UNC13B: variants seen among roughly 807,000 people sequenced by gnomAD.
UNC13B encodes protein unc-13 homolog B.
In UNC13B, 144 loss-of-function variants were observed where a neutral mutation model predicts 211.0. The ratio of observed to expected loss-of-function variants is 0.68; its 90% CI spans 0.60 to 0.78. UNC13B has a LOEUF of 0.78. Ranked by LOEUF, UNC13B falls within the 30% of genes least tolerant of loss-of-function variation. The pLI, the probability that UNC13B is intolerant of heterozygous loss-of-function variation, is 0.00. For synonymous variants in UNC13B, 709 were observed against 725.8 expected (o/e 0.98, Z 0.37); for missense variants, 1,777 against 2,002.0 (o/e 0.89, Z 2.14).
At chr9:35,215,572 C>A (rs968806573) in intron 1 of UNC13B, among the ~76,000 whole-genome samples, 29 of 151,772 alleles carry the variant, frequency 1.9e-4, no homozygotes, top group African/African-American at 6.5e-4. Context: ...TGTTTTTTTT[C>A]TGGGAAGAAT....
At chr9:35,352,705 T>C in intron 11 of UNC13B, 1 of 1,232,038 alleles carries the variant, frequency 8.1e-7, no homozygotes, top group Non-Finnish European at 1.0e-6. Flanking sequence ...AGCTAGGGGA[T>C]GAAATAAAAG....
chr9:35,353,116 CAT>C (rs1237033988), intron 11 of UNC13B: 1 of 1,232,128 alleles, frequency 8.1e-7, no homozygotes, highest in African/African-American at 1.6e-5. Context: ...AGGAAATTAT[CAT>C]AGGGCCTGAG....
chr9:35,278,307 T>G (rs1828290423), intron 7 of UNC13B, among the ~76,000 whole-genome samples: 1 of 152,206 alleles, frequency 6.6e-6, no homozygotes, highest in Non-Finnish European at 1.5e-5. Flanking sequence ...TGTTTAAATG[T>G]GTCGTAGAAT....
chr9:35,400,302 T>C lies in UNC13B; in HGVS notation c.12343T>C (p.Phe4115Leu), dbSNP rs571815457. 20 of 1,613,920 alleles carry C rather than the reference T, an allele frequency of 1.2e-5. No homozygotes were observed. In the South Asian group the frequency reaches 2.0e-4, roughly 16 times the overall value. ...DLALDTIKQY[F>L]HAGGNGLKKT... Reference sequence around the variant, plus strand: ...GTGCTCTTTTATCTTGCAGCAATACTTCCATGCAGGAGGCAATGGGCTGAA... The same window carrying C: ...GTGCTCTTTTATCTTGCAGCAATACCTCCATGCAGGAGGCAATGGGCTGAA... Residue 4115 changes from phenylalanine (F) to leucine (L), a missense_variant, in exon 37 of 40, where the codon TTC becomes CTC. Transcript: ENST00000635942.
intron 3 of UNC13B, among the ~76,000 whole-genome samples, chr9:35,235,133 A>C (rs1207608981): frequency 6.6e-6 from 1 of 152,196 alleles, no homozygotes; most frequent in East Asian, 1.9e-4. Flanking sequence ...TTCCAAGCAG[A>C]TATTCAACCA....
At chr9:35,364,356 G>A (rs12352480) in intron 11 of UNC13B, among the ~76,000 whole-genome samples, 12,008 of 151,436 alleles carry the variant, frequency 0.079, 1,707 homozygotes, top group African/African-American at 0.28. Context: ...TCCTGGGCCA[G>A]CAAATACAGG....
chr9:35,246,972 T>C (rs1826139317), intron 6 of UNC13B, among the ~76,000 whole-genome samples: 1 of 152,244 alleles, frequency 6.6e-6, no homozygotes, highest in African/African-American at 2.4e-5. Context: ...ATATTGATTC[T>C]TCCTATTCAT....
intron 6 of UNC13B, among the ~76,000 whole-genome samples, chr9:35,244,237 A>G (rs760959962): frequency 1.3e-5 from 2 of 152,140 alleles, no homozygotes; most frequent in Non-Finnish European, 2.9e-5. Context: ...TGGAACAAAG[A>G]AAAAAAGAGA....
chr9:35,259,796 C>CGG (rs563086434), intron 7 of UNC13B, among the ~76,000 whole-genome samples: 259 of 14,046 alleles, frequency 0.018, 4 homozygotes, highest in African/African-American at 0.046. Flanking sequence ...TAGGGGGATG[C>CGG]GGGGGGGGGG....
At chr9:35,189,158 A>C (rs1022407258) in intron 1 of UNC13B, among the ~76,000 whole-genome samples, 1 of 152,230 alleles carries the variant, frequency 6.6e-6, no homozygotes, top group Non-Finnish European at 1.5e-5. Context: ...GCATTCTTAT[A>C]ATCTTTTACT....
intron 6 of UNC13B, 60 bp from the exon 7 acceptor site, chr9:35,258,933 C>G: frequency 5.2e-6 from 8 of 1,549,448 alleles, no homozygotes; most frequent in Non-Finnish European, 7.0e-6. Context: ...ATTTTTTTCC[C>G]TGTCTTTACT....
chr9:35,317,734 AC>A (rs1255275480), intron 11 of UNC13B, among the ~76,000 whole-genome samples: 3 of 136,030 alleles, frequency 2.2e-5, no homozygotes, highest in African/African-American at 8.3e-5. Flanking sequence ...ATGGGGTTTT[AC>A]CATGTTGGCC....
rs193085110 is a variant in UNC13B at position 35,274,588 on chromosome 9, C to T, written c.526+15538C>T. Among the ~76,000 whole-genome samples the T allele has an allele frequency of 4.6e-5, 7 of 152,246 alleles. No homozygotes were observed. The South Asian group carries it at 6.2e-4, about 14-fold the overall frequency. On this transcript the variant is annotated intron_variant, in intron 7 of 39. Coordinates refer to ENST00000635942, the MANE Select transcript of UNC13B (RefSeq NM_001371189.2). ...GATGGCCTGCTAGGACTTCTGACAGCCTTCATAAAGAATGCCCCACAATGA... is the reference window on the plus strand; with the variant it reads ...GATGGCCTGCTAGGACTTCTGACAGTCTTCATAAAGAATGCCCCACAATGA...
At chr9:35,288,533 AG>A (rs1828918386) in intron 7 of UNC13B, among the ~76,000 whole-genome samples, 1 of 152,264 alleles carries the variant, frequency 6.6e-6, no homozygotes, top group South Asian at 2.1e-4. Context: ...AACTATCCTC[AG>A]TAATTGTTCT....
chr9:35,377,446 T>C, intron 15 of UNC13B, 22 bp from the exon 16 acceptor site: 3 of 1,612,854 alleles, frequency 1.9e-6, no homozygotes, highest in Non-Finnish European at 2.5e-6. Context: ...AGGTGACCTG[T>C]TGTGTTCCTG....
rs749208979 is a variant in UNC13B, at chr9:35,377,710, G to A, written c.10063+15G>A. 4 of 1,611,258 alleles carry A rather than the reference G, an allele frequency of 2.5e-6. No individual in the cohort carries two copies. The highest frequency in any genetic ancestry group is 2.5e-6 in the Non-Finnish European group (3 of 1,178,284). ...CACCATTACTGGTGAGCAGGCCACA[G>A]TTTGAGGGGACAGGAAGGCCTGGGC... is the stretch of plus-strand genomic sequence containing the variant. On this transcript the variant is annotated intron_variant, in intron 16 of 39. Transcript: ENST00000635942.
intron 1 of UNC13B, among the ~76,000 whole-genome samples, chr9:35,188,592 C>T (rs993778111): frequency 2.0e-5 from 3 of 152,110 alleles, no homozygotes; most frequent in Non-Finnish European, 4.4e-5. Flanking sequence ...GCCTCTGAAC[C>T]ATCCAGAAAG....
chr9:35,284,605 GT>G (rs1828688577), intron 7 of UNC13B, among the ~76,000 whole-genome samples: 1 of 152,132 alleles, frequency 6.6e-6, no homozygotes, highest in Non-Finnish European at 1.5e-5. Context: ...TTGGTGAATA[GT>G]TTTTTGTTAT....
intron 1 of UNC13B, among the ~76,000 whole-genome samples, chr9:35,214,467 CAAAAG>C (rs1016506279): frequency 4.0e-5 from 6 of 151,708 alleles, no homozygotes; most frequent in African/African-American, 9.7e-5. Flanking sequence ...AAGAACAAAA[CAAAAG>C]AAACTAGGTA....
Sources: gnomAD v4.1 joint callset for allele counts (sites outside exome capture counted in the v4.1 genomes callset) on GRCh38, gnomAD v4.1.1 for gene constraint, MANE v1.5 for transcripts, NCBI Gene and HGNC (gene_info 2026-07-23, HGNC 2026-07-21) for gene names.